The following HMGXB3 variants were observed in gnomAD, a reference collection of about 807,000 sequenced individuals.
HMGXB3 encodes the protein HMG domain-containing protein 3.
In HMGXB3, 45 loss-of-function variants were observed where a neutral mutation model predicts 121.5. The ratio of observed to expected loss-of-function variants is 0.37; its 90% confidence interval spans 0.29 to 0.47. The LOEUF (loss-of-function observed/expected upper bound fraction) is 0.47. HMGXB3 is among the 20% of genes least tolerant of loss of function. The pLI, the probability that HMGXB3 is intolerant of heterozygous loss-of-function variation, is 0.99. For missense variants in HMGXB3, 1,376 were observed against 1,602.2 expected (o/e 0.86, Z 2.41); for synonymous variants, 590 against 624.1 (o/e 0.95, Z 0.81).
intron 13 of HMGXB3, among the ~76,000 whole-genome samples, chr5:150,038,837 G>A (rs983266576): frequency 2.0e-5 from 3 of 152,188 alleles, no homozygotes; most frequent in African/African-American, 7.2e-5. Context: ...TTGTTTAGCT[G>A]TTCCCCATGG....
intron 6 of HMGXB3, chr5:150,021,893 G>A (rs778863015): frequency 3.9e-6 from 2 of 509,816 alleles, no homozygotes; most frequent in East Asian, 5.5e-5. Flanking sequence ...CAGCTCCATG[G>A]GTGTTTTTCC....
At chr5:150,020,782 A>G (rs1309759612) in intron 6 of HMGXB3, among the ~76,000 whole-genome samples, 14 of 137,700 alleles carry the variant, frequency 1.0e-4, no homozygotes, top group East Asian at 8.3e-4. Context: ...GTCTTGCTCT[A>G]TTGTCCAGGC....
At chr5:150,014,327 T>C (rs993192701) in intron 5 of HMGXB3, among the ~76,000 whole-genome samples, 1 of 152,232 alleles carries the variant, frequency 6.6e-6, no homozygotes, top group African/African-American at 2.4e-5. Context: ...ACATCTGCAA[T>C]AGACAATATG....
intron 2 of HMGXB3, among the ~76,000 whole-genome samples, chr5:150,005,598 C>CAAA (rs760181326): frequency 0.16 from 13,301 of 81,440 alleles, 816 homozygotes; most frequent in Admixed American, 0.3. Context: ...AAACTCCTCT[C>CAAA]AAAAAAAAAA....
intron 5 of HMGXB3, among the ~76,000 whole-genome samples, chr5:150,016,965 A>G (rs1450418013): frequency 2.0e-5 from 3 of 152,252 alleles, no homozygotes; most frequent in Admixed American, 2.0e-4. Flanking sequence ...GAGATAAACA[A>G]TATGTTGTAG....
At chr5:150,020,993 T>G (rs1190867502) in intron 6 of HMGXB3, among the ~76,000 whole-genome samples, 1 of 152,132 alleles carries the variant, frequency 6.6e-6, no homozygotes, top group Non-Finnish European at 1.5e-5. Flanking sequence ...TCCACCTGCC[T>G]CCCAAAGTGT....
intron 19 of HMGXB3, 52 bp downstream of exon 19, chr5:150,050,513 G>A (rs1756865632): frequency 1.4e-6 from 2 of 1,396,954 alleles, no homozygotes; most frequent in Non-Finnish European, 2.0e-6. Context: ...ACCATGTCTT[G>A]CTCTGTCACC....
intron 16 of HMGXB3, among the ~76,000 whole-genome samples, chr5:150,046,649 A>G (rs1756761869): frequency 6.6e-6 from 1 of 151,900 alleles, no homozygotes; most frequent in South Asian, 2.1e-4. Flanking sequence ...CATCTCTACT[A>G]AAAACACAAA....
At position 150,024,475 on chromosome 5, in the gene HMGXB3, A is replaced by G; in HGVS notation, c.1255A>G (p.Ile419Val). ...VGEESEWEEV[I>V]ISDAHVLVKE... is the part of the protein sequence containing the mutation. ...TGAGGAGAGTGAGTGGGAGGAAGTGATCATCTCCGATGCCCATGTTTTGGT... is the reference window on the plus strand; with the variant it reads ...TGAGGAGAGTGAGTGGGAGGAAGTGGTCATCTCCGATGCCCATGTTTTGGT... The change falls in exon 7 of 20, where the codon ATC becomes GTC. Residue 419 changes from isoleucine (I) to valine (V), a missense_variant. Physicochemically the swap from Ile to Val is conservative, Grantham distance 29 (BLOSUM62 3). Around this residue, in one of 2 missense-constraint regions of HMGXB3, gnomAD observed 1,116 missense variants for 1,369.0 expected, o/e 0.82. Transcript: ENST00000502717. 1 of 1,551,724 alleles carries G rather than the reference A, an allele frequency of 6.4e-7. No homozygotes were observed. Among genetic ancestry groups the G allele is most frequent in the East Asian group, 2.4e-5 (1 of 40,922 alleles).
At chr5:150,045,238 A>G (rs1756730200) in intron 15 of HMGXB3, among the ~76,000 whole-genome samples, 1 of 152,240 alleles carries the variant, frequency 6.6e-6, no homozygotes, top group Non-Finnish European at 1.5e-5. Flanking sequence ...GAAGGGATTT[A>G]GGAACTATTC....
chr5:150,011,642 T>C (rs750551389), intron 4 of HMGXB3, among the ~76,000 whole-genome samples: 7 of 149,482 alleles, frequency 4.7e-5, no homozygotes, highest in Non-Finnish European at 1.0e-4. Context: ...TTTGCTCTTG[T>C]CACCCAGGCT....
chr5:150,032,610 TC>T lies in HMGXB3; in HGVS notation c.1983+9del. 1 of 1,552,228 alleles carries T rather than the reference TC, an allele frequency of 6.4e-7. No individual in the cohort carries two copies. On this transcript the variant is annotated splice_region_variant and intron_variant, in intron 11 of 19. Coordinates refer to ENST00000502717, the MANE Select transcript of HMGXB3 (RefSeq NM_014983.3). Reference sequence around the variant, plus strand: ...GAAAACCACCAAGGCTATCGTGAGTTCCTTCCCCCAAACACATCCCCTGGCC... The same window carrying T: ...GAAAACCACCAAGGCTATCGTGAGTTCTTCCCCCAAACACATCCCCTGGCC...
chr5:150,041,944 A>G lies in HMGXB3; in HGVS notation c.2705A>G (p.Asn902Ser), dbSNP rs950817506. 7.7e-6 allele frequency: 12 copies of G among 1,551,600 alleles called. No homozygotes were observed. The Admixed American group carries it at 1.4e-4, about 18-fold the overall frequency. Residue 902 changes from asparagine (N) to serine (S), a missense_variant, in exon 15 of 20, where the codon AAT becomes AGT. By Grantham distance (46) the Asn-to-Ser change is conservative. Transcript: ENST00000502717. ...GAAATGGCTCAGAGGAGTGAAGAGA[A>G]TGTGCTAGCACTGAAGAGCGTGGAG... ...KVEMAQRSEE[N>S]VLALKSVEFT... is the part of the protein sequence containing the mutation.
chr5:150,005,419 G>A (rs1341566238), intron 2 of HMGXB3, among the ~76,000 whole-genome samples: 2 of 152,042 alleles, frequency 1.3e-5, no homozygotes, highest in Non-Finnish European at 2.9e-5. Flanking sequence ...GACCAACGTG[G>A]AGAAACCCCG....
chr5:150,052,510 G>A lies in HMGXB3; in HGVS notation c.*318G>A, dbSNP rs1561895872. ...TGGGTTCCGTGGGGCCTGCGGTGTG[G>A]GTCAGGGTGGAGGTCCTGGGTGGGC... is the stretch of plus-strand genomic sequence containing the variant. On this transcript the variant is annotated 3_prime_UTR_variant, in exon 20 of 20. Transcript: ENST00000502717. 3.8e-5 allele frequency: 12 copies of A among 317,918 alleles called. No individual in the cohort carries two copies. The South Asian group carries it at 5.8e-4, about 15-fold the overall frequency. 19.7% of individuals were successfully genotyped at this position (317,918 alleles called of 1,614,324 possible).
chr5:150,047,632 A>G lies in HMGXB3; in HGVS notation c.2959A>G (p.Ser987Gly). ...ACTGTTGTCTCTTGCAGGCAGTGGC[A>G]GTGCCTTGGTGAGGCTGCTCCAGGA... is the stretch of plus-strand genomic sequence containing the variant. ...LDVQPVPGSG[S>G]ALVRLLQEGT... is the part of the protein sequence containing the mutation. Residue 987 changes from serine to glycine, a missense_variant, in exon 17 of 20, where the codon AGT (serine) becomes GGT (glycine). Ser to Gly is a moderately conservative substitution (Grantham distance 56, BLOSUM62 0). Coordinates refer to ENST00000502717, the MANE Select transcript of HMGXB3 (RefSeq NM_014983.3). The G allele has an allele frequency of 6.4e-7, 1 of 1,551,640 alleles. No homozygotes were observed. Among genetic ancestry groups the G allele is most frequent in the Non-Finnish European group, 8.7e-7 (1 of 1,146,962 alleles).
At chr5:150,030,268 G>A (rs1363012012) in intron 9 of HMGXB3, 4 of 153,342 alleles carry the variant, frequency 2.6e-5, no homozygotes. Context: ...GAGTCCAGCA[G>A]TTCAAGACCA....
At position 150,041,964 on chromosome 5, in the gene HMGXB3, G is replaced by C; in HGVS notation, c.2725G>C (p.Val909Leu). 1 of 1,550,532 alleles carries C rather than the reference G, an allele frequency of 6.4e-7. No homozygotes were observed. The highest frequency in any genetic ancestry group is 8.7e-7 in the Non-Finnish European group (1 of 1,146,122). The change falls in exon 15 of 20, where the codon GTG becomes CTG. Residue 909 changes from valine (V) to leucine (L), a missense_variant. Val to Leu is a conservative substitution (Grantham distance 32). Coordinates refer to ENST00000502717, the MANE Select transcript of HMGXB3 (RefSeq NM_014983.3). The part of the protein sequence containing the change: ...SEENVLALKS[V>L]EFTWPEFLGS... The stretch of plus-strand genomic sequence containing the variant: ...AGAGAATGTGCTAGCACTGAAGAGC[G>C]TGGAGGTAAGTGCCTCTTAGCCACC...
At chr5:150,045,708 T>G (rs766002656) in intron 16 of HMGXB3, 23 bp downstream of exon 16, 2 of 1,541,048 alleles carry the variant, frequency 1.3e-6, no homozygotes, top group South Asian at 2.4e-5. Flanking sequence ...GGTGGCTGAC[T>G]GGGGTCAAAA....
Sources: gnomAD v4.1 joint callset for allele counts (sites outside exome capture counted in the v4.1 genomes callset) on GRCh38, gnomAD v4.1.1 for gene constraint, gnomAD v4.1.1 regional missense constraint, MANE v1.5 for transcripts, NCBI Gene and HGNC (gene_info 2026-07-23, HGNC 2026-07-21) for gene names.